The following BACH2 variants were observed in gnomAD, a reference collection of about 807,000 sequenced individuals.
BACH2 encodes the protein transcription regulator protein BACH2.
In BACH2, 5 loss-of-function variants were observed where a neutral mutation model predicts 61.8. The ratio of observed to expected loss-of-function variants is 0.08; its 90% CI spans 0.04 to 0.17. The LOEUF (loss-of-function observed/expected upper bound fraction) is 0.17. Ranked by LOEUF, BACH2 falls within the 10% of genes least tolerant of loss-of-function variation. The pLI is 1.00. For synonymous variants in BACH2, 446 were observed against 440.1 expected, an observed-to-expected ratio of 1.01 and a Z score of -0.17; for missense variants, 824 against 1,091.1, an observed-to-expected ratio of 0.76 and a Z score of 3.45.
At chr6:89,981,076 G>C (rs778901142) in intron 6 of BACH2, among the ~76,000 whole-genome samples, 2 of 151,116 alleles carry the variant, frequency 1.3e-5, no homozygotes, top group Non-Finnish European at 2.9e-5. Flanking sequence ...ATGCAAGATA[G>C]ACAATAGTTG....
chr6:90,295,654 G>GAT (rs1772325396), intron 1 of BACH2, among the ~76,000 whole-genome samples: 3 of 147,828 alleles, frequency 2.0e-5, no homozygotes, highest in East Asian at 4.1e-4. Flanking sequence ...TGGAGTGTAG[G>GAT]GTGTGTGTGT....
intron 4 of BACH2, among the ~76,000 whole-genome samples, chr6:90,148,392 A>G (rs933662558): frequency 6.6e-6 from 1 of 152,230 alleles, no homozygotes; most frequent in Non-Finnish European, 1.5e-5. Flanking sequence ...AAAAATATGC[A>G]TGCCTTTCGA....
chr6:90,244,331 G>A lies in BACH2; in HGVS notation c.-275+8182C>T, dbSNP rs148888774. ...GTACCAGATGGTATTCAAGGGCTTC[G>A]CATACATGTTTTCAATTAGCCATCA... On this transcript the variant is annotated intron_variant, in intron 3 of 8. Transcript: ENST00000257749. Among the ~76,000 whole-genome samples, 177 of 152,252 alleles carry A rather than the reference G, an allele frequency of 1.2e-3. 1 individual carries two copies. Among genetic ancestry groups the A allele is most frequent in the African/African-American group, 3.6e-3 (148 of 41,554 alleles).
At chr6:89,948,283 T>C (rs551971549) in intron 7 of BACH2, among the ~76,000 whole-genome samples, 5 of 152,244 alleles carry the variant, frequency 3.3e-5, no homozygotes, top group Admixed American at 3.3e-4. Flanking sequence ...CTCAGCTCAC[T>C]GCAACCTCCT....
chr6:90,086,283 G>T (rs1269467113), intron 5 of BACH2, among the ~76,000 whole-genome samples: 1 of 152,104 alleles, frequency 6.6e-6, no homozygotes, highest in African/African-American at 2.4e-5. Flanking sequence ...GAATAATGCT[G>T]CTATGAACAT....
intron 4 of BACH2, among the ~76,000 whole-genome samples, chr6:90,103,038 T>TTTTTTTA (rs1782744251): frequency 7.7e-6 from 1 of 130,180 alleles, no homozygotes; most frequent in African/African-American, 3.0e-5. Flanking sequence ...TATTTTTTTT[T>TTTTTTTA]TTTTTTTTTT....
chr6:89,950,564 C>G lies in BACH2; in HGVS notation c.1542G>C (p.Glu514Asp), dbSNP rs1774017543. The G allele has an allele frequency of 1.2e-6, 2 of 1,611,176 alleles. No individual in the cohort carries two copies. The highest frequency in any genetic ancestry group is 1.7e-5 in the Admixed American group (1 of 59,880). Residue 514 changes from glutamate to aspartate, a missense_variant, in exon 7 of 9, where the codon GAG (glutamate) becomes GAC (aspartate). Glu to Asp is a conservative substitution (Grantham distance 45). Around this residue, in one of 8 missense-constraint regions of BACH2, gnomAD observed 102 missense variants for 98.1 expected, o/e 1.04. Transcript: ENST00000257749. The surrounding 1 kb of genome is among the most constrained non-coding windows in gnomAD (Gnocchi z 5.3). ...AGGAGCTGGAAGTCCTGGTCCTGGTCTCCAAGGGGGGTGAGCGAGGGCAGA... is the reference window on the plus strand; with the variant it reads ...AGGAGCTGGAAGTCCTGGTCCTGGTGTCCAAGGGGGGTGAGCGAGGGCAGA... Reference protein sequence around the residue: ...IKVCPRSPPLETRTRTSSSCS... With the variant: ...IKVCPRSPPLDTRTRTSSSCS...
chr6:90,137,773 G>T (rs948082411), intron 4 of BACH2, among the ~76,000 whole-genome samples: 10 of 152,144 alleles, frequency 6.6e-5, no homozygotes, highest in African/African-American at 2.4e-4. Context: ...CCCCAACCAG[G>T]ATGATTTATT....
chr6:89,986,180 G>A (rs1377169714), intron 6 of BACH2, among the ~76,000 whole-genome samples: 1 of 151,790 alleles, frequency 6.6e-6, no homozygotes, highest in Admixed American at 6.6e-5. Context: ...GGGGAGCTCT[G>A]TAAGGATGGC....
At chr6:90,181,704 CTT>C (rs1298422979) in intron 4 of BACH2, among the ~76,000 whole-genome samples, 1 of 152,112 alleles carries the variant, frequency 6.6e-6, no homozygotes, top group Admixed American at 6.5e-5. Context: ...ACCTCAGCCT[CTT>C]GAGTAGCTGG....
chr6:90,042,878 T>A (rs758075239), intron 5 of BACH2, among the ~76,000 whole-genome samples: 7 of 152,178 alleles, frequency 4.6e-5, no homozygotes, highest in Non-Finnish European at 1.0e-4. Flanking sequence ...AAAGGCTTGT[T>A]GGGTAGCTCT....
chr6:90,106,532 T>C (rs917783975), intron 4 of BACH2, among the ~76,000 whole-genome samples: 1 of 152,338 alleles, frequency 6.6e-6, no homozygotes, highest in African/African-American at 2.4e-5. Context: ...CAGTAGGCTA[T>C]ACCATCTAGG....
intron 5 of BACH2, among the ~76,000 whole-genome samples, chr6:90,019,447 G>C (rs1488096705): frequency 6.6e-6 from 1 of 152,188 alleles, no homozygotes; most frequent in Non-Finnish European, 1.5e-5. Flanking sequence ...CAACTTTGTG[G>C]ATCTGGACAA....
At chr6:90,092,291 A>AAAAAAAAAAAAAAAAAAAATATAT in intron 4 of BACH2, among the ~76,000 whole-genome samples, 8 of 113,814 alleles carry the variant, frequency 7.0e-5, no homozygotes, top group African/African-American at 2.9e-4. Flanking sequence ...AAAAAAAAAA[A>AAAAAAAAAAAAAAAAAAAATATAT]ATATATATAT....
At chr6:89,941,574 G>A (rs1303318541) in intron 7 of BACH2, among the ~76,000 whole-genome samples, 2 of 152,294 alleles carry the variant, frequency 1.3e-5, no homozygotes, top group African/African-American at 4.8e-5. Context: ...GTTTGCACAG[G>A]GCTTCTAATG....
intron 7 of BACH2, among the ~76,000 whole-genome samples, chr6:89,947,990 T>C (rs965984629): frequency 4.6e-5 from 7 of 152,128 alleles, no homozygotes; most frequent in Admixed American, 4.6e-4. Context: ...CTCCTTTTAA[T>C]TGAGTTAATA....
chr6:90,155,577 C>T (rs1229137035), intron 4 of BACH2, among the ~76,000 whole-genome samples: 1 of 152,120 alleles, frequency 6.6e-6, no homozygotes, highest in African/African-American at 2.4e-5. Flanking sequence ...AGTAAATCAT[C>T]ACAACATTCT....
At chr6:90,208,483 C>T (rs1424756858) in intron 3 of BACH2, among the ~76,000 whole-genome samples, 1 of 152,160 alleles carries the variant, frequency 6.6e-6, no homozygotes, top group Non-Finnish European at 1.5e-5. Context: ...TAGAGAAATG[C>T]AAATCAAAAC....
chr6:90,063,347 T>C (rs1349936176), intron 5 of BACH2, among the ~76,000 whole-genome samples: 7 of 152,178 alleles, frequency 4.6e-5, no homozygotes, highest in African/African-American at 1.7e-4. Flanking sequence ...TCATTCTAAT[T>C]TTTCCTAAGA....
Sources: allele counts gnomAD v4.1 joint callset (sites outside exome capture counted in the v4.1 genomes callset), GRCh38; gene constraint gnomAD v4.1.1; regional missense constraint gnomAD v4.1.1; non-coding constraint Gnocchi (gnomAD v3.1); transcripts MANE v1.5; gene names NCBI Gene and HGNC (gene_info 2026-07-23, HGNC 2026-07-21).